Variants in IQGAP2 observed in about 807,000 individuals in gnomAD.
The protein encoded by IQGAP2 is ras GTPase-activating-like protein IQGAP2.
In IQGAP2, 173 loss-of-function variants were observed where a neutral mutation model predicts 201.3. That is an observed-to-expected ratio of 0.86 (90% CI 0.76 to 0.98). IQGAP2 has a LOEUF of 0.98. IQGAP2 is among the 50% of genes least tolerant of loss of function. The pLI, the probability that IQGAP2 is intolerant of heterozygous loss-of-function variation, is 0.00. For missense variants in IQGAP2, 1,687 were observed against 1,864.8 expected, an observed-to-expected ratio of 0.90 and a Z score of 1.76; for synonymous variants, 675 against 673.9, an observed-to-expected ratio of 1.00 and a Z score of -0.03.
At chr5:76,428,784 C>T (rs1048647856) in intron 1 of IQGAP2, among the ~76,000 whole-genome samples, 5 of 80,932 alleles carry the variant, frequency 6.2e-5, no homozygotes, top group Admixed American at 3.0e-4. Flanking sequence ...ACTAAACCAA[C>T]TTACTTAAAA....
rs916748763 is a variant in IQGAP2 at position 76,589,818 on chromosome 5, A to G, written c.640+90A>G. On this transcript the variant is annotated intron_variant, in intron 7 of 35. Coordinates refer to ENST00000274364, the MANE Select transcript of IQGAP2 (RefSeq NM_006633.5). The stretch of plus-strand genomic sequence containing the variant: ...TTTGATTACTCGAAATAGAATATTT[A>G]GAAGATACTTTAAGCACCCTAAAAG... 7 of 620,934 alleles carry G rather than the reference A, an allele frequency of 1.1e-5. No homozygotes were observed. The African/African-American group carries it at 1.3e-4, about 12-fold the overall frequency. 38.5% of individuals were successfully genotyped at this position (620,934 alleles called of 1,614,324 possible).
At chr5:76,622,919 C>A (rs1034028291) in intron 13 of IQGAP2, among the ~76,000 whole-genome samples, 1 of 152,210 alleles carries the variant, frequency 6.6e-6, no homozygotes, top group Non-Finnish European at 1.5e-5. Context: ...TAATCGTAGA[C>A]ATCTAAAATC....
At chr5:76,426,933 T>TGTGTGA (rs772878589) in intron 1 of IQGAP2, among the ~76,000 whole-genome samples, 15 of 151,840 alleles carry the variant, frequency 9.9e-5, no homozygotes, top group African/African-American at 3.4e-4. Flanking sequence ...TGTGTGTGTG[T>TGTGTGA]GTGAGTGTGT....
At chr5:76,435,113 T>G (rs924244912) in intron 1 of IQGAP2, among the ~76,000 whole-genome samples, 13 of 152,056 alleles carry the variant, frequency 8.5e-5, no homozygotes, top group African/African-American at 3.1e-4. Context: ...AGACCTTTGT[T>G]GTATGCATAG....
At chr5:76,647,992 C>T (rs558964279) in intron 17 of IQGAP2, among the ~76,000 whole-genome samples, 6 of 152,246 alleles carry the variant, frequency 3.9e-5, no homozygotes, top group African/African-American at 1.4e-4. Flanking sequence ...TGTGGCAGCC[C>T]TCCCTCTCCC....
Position 76,403,683 on chromosome 5 carries a change from G to C in IQGAP2, c.46+92G>C. ...GAGAAGCCGAGGGAGCCGGTTGCGC[G>C]GCGCAGAGGAAATTGGAAGGCAGCA... On this transcript the variant is annotated intron_variant, in intron 1 of 35. Transcript: ENST00000274364. The surrounding 1 kb of genome is among the most constrained non-coding windows in gnomAD (Gnocchi z 4.8). 1 of 1,144,286 alleles carries C rather than the reference G, an allele frequency of 8.7e-7. No individual in the cohort carries two copies. Among genetic ancestry groups the C allele is most frequent in the Non-Finnish European group, 1.2e-6 (1 of 854,134 alleles). The allele number at this position is 1,144,286 out of a possible 1,614,324, so 70.9% of individuals were successfully genotyped here. A position where few individuals can be genotyped will look rare whatever the true frequency, so the allele number is the denominator to read the frequency against.
chr5:76,561,826 G>A (rs557557927), intron 2 of IQGAP2, among the ~76,000 whole-genome samples: 1 of 152,270 alleles, frequency 6.6e-6, no homozygotes, highest in Non-Finnish European at 1.5e-5. Flanking sequence ...AGATAAGTGT[G>A]TTGTCATAAG....
rs576086990 is a variant in IQGAP2 at position 76,413,729 on chromosome 5, A to G, written c.46+10138A>G. On this transcript the variant is annotated intron_variant, in intron 1 of 35. Coordinates refer to ENST00000274364, the MANE Select transcript of IQGAP2 (RefSeq NM_006633.5). ...TTCTCTTATTTCATTTAGGCTTCCA[A>G]GTTGAAGTTGGTCGTTGCTGCTGCT... 2.0e-5 allele frequency among the ~76,000 whole-genome samples: 3 copies of G among 152,314 alleles called. No individual in the cohort carries two copies. In the East Asian group the frequency reaches 5.8e-4, roughly 29 times the overall value.
At chr5:76,492,278 C>G (rs1355023105) in intron 2 of IQGAP2, among the ~76,000 whole-genome samples, 1 of 152,188 alleles carries the variant, frequency 6.6e-6, no homozygotes, top group Non-Finnish European at 1.5e-5. Flanking sequence ...CTGTGGACTG[C>G]TTTCAGGCCA....
intron 30 of IQGAP2, among the ~76,000 whole-genome samples, chr5:76,691,187 A>G (rs904625992): frequency 1.3e-5 from 2 of 152,190 alleles, no homozygotes; most frequent in African/African-American, 2.4e-5. Context: ...TGTCTGAGGT[A>G]GAACTTTGGC....
intron 1 of IQGAP2, among the ~76,000 whole-genome samples, chr5:76,438,583 T>C (rs1241042589): frequency 6.6e-6 from 1 of 151,992 alleles, no homozygotes; most frequent in Admixed American, 6.6e-5. Flanking sequence ...GCTGGGATTA[T>C]AGGCGTGCAC....
Position 76,631,855 on chromosome 5 carries a change from C to A in IQGAP2, c.1613-4C>A. On this transcript the variant is annotated splice_polypyrimidine_tract_variant and splice_region_variant and intron_variant, in intron 14 of 35. Coordinates refer to ENST00000274364, the MANE Select transcript of IQGAP2 (RefSeq NM_006633.5). The stretch of plus-strand genomic sequence containing the variant: ...AACAAGAAACTTTTTTTTCAATTAC[C>A]CAGGGGTTACTCTGGTGGTTGATGT... 3 of 1,557,542 alleles carry A rather than the reference C, an allele frequency of 1.9e-6. No individual in the cohort carries two copies. The highest frequency in any genetic ancestry group is 1.9e-5 in the Admixed American group (1 of 53,130).
chr5:76,619,460 T>C (rs1223356146), intron 13 of IQGAP2, among the ~76,000 whole-genome samples: 4 of 151,986 alleles, frequency 2.6e-5, no homozygotes, highest in Non-Finnish European at 4.4e-5. Flanking sequence ...CCTACAAGTA[T>C]ATTCCTTTAC....
At chr5:76,489,011 G>T (rs980062709) in intron 2 of IQGAP2, among the ~76,000 whole-genome samples, 15 of 152,166 alleles carry the variant, frequency 9.9e-5, no homozygotes, top group African/African-American at 3.4e-4. Context: ...AGGGTCACAC[G>T]ACTGGAAAAG....
Position 76,627,403 on chromosome 5 carries a change from T to C in IQGAP2, c.1522-7T>C, listed in dbSNP as rs1341661937. On this transcript the variant is annotated splice_polypyrimidine_tract_variant and splice_region_variant and intron_variant, in intron 13 of 35. Coordinates refer to ENST00000274364, the MANE Select transcript of IQGAP2 (RefSeq NM_006633.5). ...TCTTTCTTTTTATTCTGTGACATTGTCCCCAGGACTCTGAGAGTGTTTCCA... is the reference window on the plus strand; with the variant it reads ...TCTTTCTTTTTATTCTGTGACATTGCCCCCAGGACTCTGAGAGTGTTTCCA... 6.4e-7 allele frequency: 1 copy of C among 1,569,416 alleles called. No individual in the cohort carries two copies. Among genetic ancestry groups the C allele is most frequent in the East Asian group, 2.2e-5 (1 of 44,730 alleles).
At chr5:76,619,629 G>C (rs1749413056) in intron 13 of IQGAP2, among the ~76,000 whole-genome samples, 1 of 149,288 alleles carries the variant, frequency 6.7e-6, no homozygotes, top group Admixed American at 6.8e-5. Context: ...CCATTCTCCT[G>C]CCTCAGCCTC....
Position 76,463,887 on chromosome 5 carries a change from G to A in IQGAP2, c.146+2218G>A, listed in dbSNP as rs1429704721. Among the ~76,000 whole-genome samples, 11 of 146,584 alleles carry A rather than the reference G, an allele frequency of 7.5e-5. No individual in the cohort carries two copies. In the South Asian group the frequency reaches 1.1e-3, roughly 14 times the overall value. ...TTCTGAGATGGAGTCTCACTCTGTCGCCCAGGCTAGACTGCAGTGGCGGGA... is the reference window on the plus strand; with the variant it reads ...TTCTGAGATGGAGTCTCACTCTGTCACCCAGGCTAGACTGCAGTGGCGGGA... On this transcript the variant is annotated intron_variant, in intron 2 of 35. Transcript: ENST00000274364.
chr5:76,477,561 G>T (rs1286611979), intron 2 of IQGAP2, among the ~76,000 whole-genome samples: 1 of 152,148 alleles, frequency 6.6e-6, no homozygotes, highest in Non-Finnish European at 1.5e-5. Flanking sequence ...ATACAAATGT[G>T]TACAGTACAT....
chr5:76,607,526 C>T (rs1250559527), intron 12 of IQGAP2: 2 of 152,214 alleles, frequency 1.3e-5, no homozygotes, highest in African/African-American at 4.8e-5. Flanking sequence ...TCCCTGTTGC[C>T]TCTGCATTTC....
Sources: allele counts gnomAD v4.1 joint callset (sites outside exome capture counted in the v4.1 genomes callset), GRCh38; gene constraint gnomAD v4.1.1; non-coding constraint Gnocchi (gnomAD v3.1); transcripts MANE v1.5; gene names NCBI Gene and HGNC (gene_info 2026-07-23, HGNC 2026-07-21).